CD36: variants seen among roughly 807,000 people sequenced by gnomAD.
CD36 encodes CD36 molecule (CD36 blood group), also known as platelet glycoprotein 4.
CD36 carries 119 observed loss-of-function variants against 55.2 expected under a neutral mutation model. The ratio of observed to expected loss-of-function variants is 2.15; its 90% CI spans 1.86 to 2.51. CD36 has a LOEUF of 2.51. Ranked by LOEUF, CD36 falls within the 30% of genes most tolerant of loss-of-function variation. CD36 has a pLI of 0.00. For synonymous variants in CD36, 186 were observed against 193.6 expected (o/e 0.96, Z 0.33); for missense variants, 819 against 555.5 (o/e 1.47, Z -4.77).
chr7:80,604,291 GTAAA>G (rs1236243824), intron 1 of CD36, among the ~76,000 whole-genome samples: 14 of 139,344 alleles, frequency 1.0e-4, no homozygotes, highest in African/African-American at 3.4e-4. Context: ...ATATAGTTGA[GTAAA>G]TAGTTTTAGT....
At chr7:80,660,222 C>T (rs911899325) in intron 4 of CD36, among the ~76,000 whole-genome samples, 10 of 152,116 alleles carry the variant, frequency 6.6e-5, no homozygotes, top group Non-Finnish European at 1.3e-4. Flanking sequence ...AATCACCCTT[C>T]ACCGCGTTCC....
rs3807075 is a variant in CD36, at chr7:80,672,880, G to A, written c.1199+37G>A. 6.1e-3 allele frequency: 7,520 copies of A among 1,228,184 alleles called. 433 individuals carry two copies. The East Asian group carries it at 0.13, about 21-fold the overall frequency. 76.1% of individuals were successfully genotyped at this position (1,228,184 alleles called of 1,614,324 possible). ...GAAAATGGTTATTTTGATATGATCTGTAGTATCGTAGTATCTTCTTGTAAG... is the reference window on the plus strand; with the variant it reads ...GAAAATGGTTATTTTGATATGATCTATAGTATCGTAGTATCTTCTTGTAAG... On this transcript the variant is annotated intron_variant, in intron 12 of 14. Coordinates refer to ENST00000447544, the MANE Select transcript of CD36 (RefSeq NM_001001548.3).
At chr7:80,618,649 T>C (rs1194642142) in intron 1 of CD36, among the ~76,000 whole-genome samples, 1 of 152,136 alleles carries the variant, frequency 6.6e-6, no homozygotes, top group Non-Finnish European at 1.5e-5. Context: ...TCTGGATAGA[T>C]TAAATCAGCT....
chr7:80,660,321 G>A (rs1796420828), intron 4 of CD36, among the ~76,000 whole-genome samples: 1 of 152,038 alleles, frequency 6.6e-6, no homozygotes, highest in South Asian at 2.1e-4. Context: ...GAGGGGCTGG[G>A]GAAGTTAGTC....
rs947678278 is a variant in CD36 at position 80,656,438 on chromosome 7, C to T, written c.121-102C>T. On this transcript the variant is annotated intron_variant, in intron 3 of 14. Coordinates refer to ENST00000447544, the MANE Select transcript of CD36 (RefSeq NM_001001548.3). ...GGTTCTCATGAATGAGGTACTTGGG[C>T]TTGGTCCTTTTATTCTGGCTGACTC... 24 of 1,000,884 alleles carry T rather than the reference C, an allele frequency of 2.4e-5. No individual in the cohort carries two copies. In the East Asian group the frequency reaches 5.1e-4, roughly 21 times the overall value. The allele number at this position is 1,000,884 out of a possible 1,614,324, so 62.0% of individuals were successfully genotyped here.
chr7:80,651,449 C>CA lies in CD36; in HGVS notation c.120+4595dup, dbSNP rs1562796600. On this transcript the variant is annotated intron_variant, in intron 3 of 14. Transcript: ENST00000447544. ...TTCTATAGTTCTAACTATAGAACAC[C>CA]AAAAAAGGAATTATAGGTTTCTTTG... Among the ~76,000 whole-genome samples, 4 of 151,648 alleles carry CA rather than the reference C, an allele frequency of 2.6e-5. No homozygotes were observed. In the South Asian group the frequency reaches 6.3e-4, roughly 24 times the overall value.
Position 80,604,733 on chromosome 7 carries a change from T to A in CD36, c.-184+2354T>A, listed in dbSNP as rs574782571. ...GTGCTTGTGATGTTTAAAGGTGAAA[T>A]GAGGATAGTTTTTAAAAATAAATTA... On this transcript the variant is annotated intron_variant, in intron 1 of 13. Transcript: ENST00000309881. 7.2e-5 allele frequency among the ~76,000 whole-genome samples: 11 copies of A among 152,122 alleles called. No individual in the cohort carries two copies. The South Asian group carries it at 2.1e-3, about 29-fold the overall frequency.
chr7:80,656,733 T>G (rs747796138), intron 4 of CD36, 33 bp downstream of exon 4: 1 of 1,583,454 alleles, frequency 6.3e-7, no homozygotes, highest in Admixed American at 1.7e-5. Context: ...GAGACACTCT[T>G]ACCTTGACCA....
chr7:80,665,444 A>C (rs1221765104), intron 7 of CD36, among the ~76,000 whole-genome samples: 1 of 83,946 alleles, frequency 1.2e-5, no homozygotes. Context: ...GATTGCTTTT[A>C]ACAGCTAAAT....
chr7:80,646,983 G>A, intron 3 of CD36, 123 bp downstream of exon 3: 2 of 1,080,082 alleles, frequency 1.9e-6, no homozygotes, highest in Non-Finnish European at 2.8e-6. Flanking sequence ...TGACATAAAG[G>A]TAATTATGAA....
rs1796115058 is a variant in CD36 at position 80,656,675 on chromosome 7, AAGCAAAG to A, written c.259_265del (p.Gln87ValfsTer10). 5 of 1,613,612 alleles carry A rather than the reference AAGCAAAG, an allele frequency of 3.1e-6. No individual in the cohort carries two copies. The highest frequency in any genetic ancestry group is 3.4e-6 in the Non-Finnish European group (4 of 1,179,774). On this transcript the variant is annotated frameshift_variant, in exon 4 of 15. Coordinates refer to ENST00000447544, the MANE Select transcript of CD36 (RefSeq NM_001001548.3). LOFTEE classifies it high-confidence loss of function. ...GATGAACAGCAGCAACATTCAAGTT[AAGCAAAG>A]AGGTCCTTATACGTACAGGTGAGTG...
intron 3 of CD36, among the ~76,000 whole-genome samples, chr7:80,649,614 C>G (rs1259199005): frequency 6.6e-6 from 1 of 151,836 alleles, no homozygotes; most frequent in East Asian, 1.9e-4. Flanking sequence ...TATGTATATA[C>G]CTTACAAAGT....
chr7:80,621,863 A>G (rs1001837616), intron 1 of CD36, among the ~76,000 whole-genome samples: 3 of 152,228 alleles, frequency 2.0e-5, no homozygotes, highest in African/African-American at 4.8e-5. Flanking sequence ...CTAGCCGAAG[A>G]CAGTTTAAAG....
At chr7:80,637,206 G>T (rs1307128238), upstream of CD36, among the ~76,000 whole-genome samples, 1 of 151,798 alleles carries the variant, frequency 6.6e-6, no homozygotes, top group Non-Finnish European at 1.5e-5. Context: ...TGAGAATTAA[G>T]GTTGAGAAAT....
In CD36 at chr7:80,661,151, C is replaced by A. The variant is rs1437127524; in HGVS notation, c.370C>A (p.Pro124Thr). The A allele has an allele frequency of 1.2e-6, 2 of 1,613,812 alleles. No individual in the cohort carries two copies. The highest frequency in any genetic ancestry group is 2.7e-5 in the African/African-American group (2 of 74,920). Reference protein sequence around the residue: ...FLQPNGAIFEPSLSVGTEADN... With the variant: ...FLQPNGAIFETSLSVGTEADN... ...GCAGCCCAATGGTGCCATCTTCGAA[C>A]CTTCACTATCAGTTGGAACAGAGGC... Residue 124 changes from proline (P) to threonine (T), a missense_variant, in exon 5 of 15, where the codon CCT (proline) becomes ACT (threonine). Pro to Thr is a conservative substitution (Grantham distance 38). Coordinates refer to ENST00000447544, the MANE Select transcript of CD36 (RefSeq NM_001001548.3).
At chr7:80,639,680 G>A (rs1469340823) in intron 1 of CD36, among the ~76,000 whole-genome samples, 1 of 151,960 alleles carries the variant, frequency 6.6e-6, no homozygotes, top group African/African-American at 2.4e-5. Flanking sequence ...TGTGTGGTTT[G>A]AAGTCAGTAA....
intron 3 of CD36, 114 bp from the exon 4 acceptor site, chr7:80,656,426 G>T: frequency 1.2e-6 from 1 of 819,656 alleles, no homozygotes. Flanking sequence ...TCTCATGAAT[G>T]AGGTACTTGG....
Position 80,663,104 on chromosome 7 carries a change from T to C in CD36, c.544T>C (p.Tyr182His), listed in dbSNP as rs779975352. The part of the protein sequence containing the change: ...VRTLRELLWG[Y>H]RDPFLSLVPY... The stretch of plus-strand genomic sequence containing the variant: ...AACTTTGAGAGAACTGTTATGGGGC[T>C]ATAGGGATCCATTTTTGAGTTTGGT... The change falls in exon 6 of 15, where the codon TAT (tyrosine) becomes CAT (histidine). Residue 182 changes from tyrosine (Y) to histidine (H), a missense_variant. Transcript: ENST00000447544. 1.9e-5 allele frequency: 31 copies of C among 1,613,674 alleles called. No individual in the cohort carries two copies. The highest frequency in any genetic ancestry group is 8.3e-5 in the Admixed American group (5 of 59,996).
chr7:80,674,799 A>G (rs1798090895), intron 14 of CD36, among the ~76,000 whole-genome samples: 1 of 151,888 alleles, frequency 6.6e-6, no homozygotes, highest in Non-Finnish European at 1.5e-5. Flanking sequence ...CTTTCTCCCT[A>G]TTTTTCTTCA....
Sources: gnomAD v4.1 joint callset for allele counts (sites outside exome capture counted in the v4.1 genomes callset) on GRCh38, gnomAD v4.1.1 for gene constraint, MANE v1.5 for transcripts, NCBI Gene and HGNC (gene_info 2026-07-23, HGNC 2026-07-21) for gene names.